RABL2B: variants seen among roughly 807,000 people sequenced by gnomAD.
RABL2B encodes rab-like protein 2B.
A neutral mutation model predicts 26.7 loss-of-function variants in RABL2B; 17 were observed. The ratio of observed to expected loss-of-function variants is 0.64; its 90% CI spans 0.44 to 0.95. The LOEUF is 0.95. Among genes scored for constraint, RABL2B ranks in the 40% least tolerant of loss-of-function variants. RABL2B has a pLI of 0.00. For missense variants in RABL2B, 170 were observed against 277.2 expected, an observed-to-expected ratio of 0.61 and a Z score of 2.75; for synonymous variants, 70 against 103.9, an observed-to-expected ratio of 0.67 and a Z score of 1.99.
rs1334295788 is a variant in RABL2B at position 50,770,909 on chromosome 22, A to T, written c.298-893T>A. ...CGCACGCATTAATTTTTATTTTTTTATTTTTTTTTTTTTGTAGAGGCAGGC... is the reference window on the plus strand; with the variant it reads ...CGCACGCATTAATTTTTATTTTTTTTTTTTTTTTTTTTTGTAGAGGCAGGC... On this transcript the variant is annotated intron_variant, in intron 5 of 8. Transcript: ENST00000691320. Among the ~76,000 whole-genome samples, 30 of 124,238 alleles carry T rather than the reference A, an allele frequency of 2.4e-4. 1 individual carries two copies. In the South Asian group the frequency reaches 4.6e-3, roughly 19 times the overall value. The allele number at this position is 124,238 out of a possible 152,430, so 81.5% of individuals were successfully genotyped here. A position where few individuals can be genotyped will look rare whatever the true frequency, so the allele number is the denominator to read the frequency against.
intron 5 of RABL2B, among the ~76,000 whole-genome samples, chr22:50,775,430 G>A (rs748531661): frequency 6.6e-6 from 1 of 152,202 alleles, no homozygotes; most frequent in Non-Finnish European, 1.5e-5. Context: ...GCAGGCAACA[G>A]TGGAGGGAGG....
chr22:50,779,667 C>A (rs555152619), intron 2 of RABL2B, among the ~76,000 whole-genome samples: 25 of 152,226 alleles, frequency 1.6e-4, no homozygotes, highest in Non-Finnish European at 3.7e-4. Flanking sequence ...GACCTAACTA[C>A]TCTTAAAGAT....
intron 2 of RABL2B, among the ~76,000 whole-genome samples, chr22:50,780,149 C>T (rs1555927453): frequency 1.3e-5 from 2 of 151,794 alleles, no homozygotes; most frequent in Admixed American, 6.6e-5. Flanking sequence ...TCTGAGGTCA[C>T]CTGTTCACAG....
intron 3 of RABL2B, 186 bp downstream of exon 3, chr22:50,777,766 C>G: frequency 1.3e-6 from 1 of 784,154 alleles, no homozygotes; most frequent in Non-Finnish European, 2.2e-6. Context: ...CCAAAATATA[C>G]AGCACTGATT....
chr22:50,772,719 T>C, intron 5 of RABL2B: 3 of 1,053,090 alleles, frequency 2.8e-6, no homozygotes, highest in Non-Finnish European at 2.3e-6. Context: ...CCAGGTTGTC[T>C]TGAATTCCCG....
intron 5 of RABL2B, chr22:50,772,910 G>A (rs1188754280): frequency 2.5e-6 from 3 of 1,203,980 alleles, no homozygotes; most frequent in Non-Finnish European, 3.2e-6. Flanking sequence ...GGAGGGTCGA[G>A]CCCTGGTTCC....
At position 50,774,201 on chromosome 22, in the gene RABL2B, A is replaced by C. The variant is rs1320242390; in HGVS notation, c.297+1571T>G. Reference sequence around the variant, plus strand: ...TGAGCCACCGCGCCCGGCCCGTGGCAGACTTTATTAATGTATGCCAACAAT... The same window carrying C: ...TGAGCCACCGCGCCCGGCCCGTGGCCGACTTTATTAATGTATGCCAACAAT... On this transcript the variant is annotated intron_variant, in intron 5 of 8. Transcript: ENST00000691320. Among the ~76,000 whole-genome samples the C allele has an allele frequency of 2.6e-5, 4 of 152,242 alleles. No homozygotes were observed. The East Asian group carries it at 5.8e-4, about 22-fold the overall frequency.
At chr22:50,780,138 G>A (rs1332330036) in intron 2 of RABL2B, among the ~76,000 whole-genome samples, 6 of 151,968 alleles carry the variant, frequency 3.9e-5, no homozygotes, top group Non-Finnish European at 8.8e-5. Flanking sequence ...CAGTGCCCAG[G>A]TCTGAGGTCA....
At position 50,769,665 on chromosome 22, in the gene RABL2B, G is replaced by A. The variant is rs1383722394; in HGVS notation, c.410-113C>T. ...GAAAGTGGGATAGGCAGGGATGATT[G>A]GGAAACAGGTCCTAGAAAGAGCTCA... On this transcript the variant is annotated intron_variant, in intron 6 of 8. Coordinates refer to ENST00000691320, the MANE Select transcript of RABL2B (RefSeq NM_001130919.3). 1.9e-6 allele frequency: 3 copies of A among 1,550,186 alleles called. No homozygotes were observed. In the East Asian group the frequency reaches 6.7e-5, roughly 35 times the overall value.
chr22:50,776,398 G>C (rs1178089108), intron 4 of RABL2B, among the ~76,000 whole-genome samples: 1 of 152,222 alleles, frequency 6.6e-6, no homozygotes, highest in Non-Finnish European at 1.5e-5. Context: ...TCCCTGAGGT[G>C]GGTACAGCCC....
chr22:50,776,895 C>T, intron 3 of RABL2B, 146 bp from the exon 4 acceptor site: 2 of 1,457,462 alleles, frequency 1.4e-6, no homozygotes, highest in Non-Finnish European at 1.8e-6. Context: ...ATGTTGCAGA[C>T]AGAGGATCAG....
intron 2 of RABL2B, among the ~76,000 whole-genome samples, chr22:50,781,400 A>AAGAGAGAGAGAGAGAGAGAGAGAG (rs3044691): frequency 4.2e-5 from 6 of 141,738 alleles, no homozygotes; most frequent in South Asian, 2.3e-4. Flanking sequence ...TGTGGTGGGG[A>AAGAGAGAGAGAGAGAGAGAGAGAG]AGAGAGAGAG....
At chr22:50,780,387 C>T (rs542182822) in intron 2 of RABL2B, among the ~76,000 whole-genome samples, 416 of 148,712 alleles carry the variant, frequency 2.8e-3, no homozygotes, top group Admixed American at 5.3e-3. Context: ...ATGATGAACA[C>T]AAGTGTTAAC....
At position 50,768,221 on chromosome 22, in the gene RABL2B, A is replaced by G. The variant is rs1173005688; in HGVS notation, c.*555T>C. 4.0e-5 allele frequency: 8 copies of G among 201,840 alleles called. No individual in the cohort carries two copies. The highest frequency in any genetic ancestry group is 1.0e-5 in the Non-Finnish European group (1 of 97,638). The allele number at this position is 201,840 out of a possible 1,614,324, so 12.5% of individuals were successfully genotyped here. On this transcript the variant is annotated 3_prime_UTR_variant, in exon 9 of 9. Transcript: ENST00000691320. ...CGCCACTGCACTCCAGCCTGGCGAC[A>G]GAGCGAGACTCCGTCTCAGAACGAA...
intron 5 of RABL2B, among the ~76,000 whole-genome samples, chr22:50,774,803 GT>G (rs1277973738): frequency 6.6e-6 from 1 of 151,862 alleles, no homozygotes; most frequent in South Asian, 2.1e-4. Flanking sequence ...TTTAGATGGA[GT>G]TTTGCTCTTG....
chr22:50,782,695 C>T (rs1405960293), intron 1 of RABL2B: 4 of 277,764 alleles, frequency 1.4e-5, no homozygotes, highest in Non-Finnish European at 2.9e-5. Context: ...AATGTAACCA[C>T]AGTCCAGACT....
At chr22:50,783,340 G>C (rs1400443976) in intron 1 of RABL2B, 161 bp downstream of exon 1, 3 of 153,438 alleles carry the variant, frequency 2.0e-5, no homozygotes, top group Admixed American at 6.5e-5. Flanking sequence ...ACCATGTCCA[G>C]GCATCGCCAG....
intron 2 of RABL2B, among the ~76,000 whole-genome samples, chr22:50,779,452 C>G (rs1361040376): frequency 1.3e-5 from 2 of 151,788 alleles, no homozygotes; most frequent in Non-Finnish European, 2.9e-5. Context: ...GAGCTTGGGA[C>G]CCAGGGAGTC....
At chr22:50,777,384 G>A (rs1338517953) in intron 3 of RABL2B, among the ~76,000 whole-genome samples, 3 of 146,902 alleles carry the variant, frequency 2.0e-5, no homozygotes, top group African/African-American at 5.1e-5. Flanking sequence ...TTGGGGTGCC[G>A]AGCCTAGGAC....
Sources: allele counts gnomAD v4.1 joint callset (sites outside exome capture counted in the v4.1 genomes callset), GRCh38; gene constraint gnomAD v4.1.1; transcripts MANE v1.5; gene names NCBI Gene and HGNC (gene_info 2026-07-23, HGNC 2026-07-21).